Variants in CDC42BPA observed in about 807,000 individuals in gnomAD.
CDC42BPA encodes CDC42 binding protein kinase alpha.
Under a neutral mutation model 223.5 loss-of-function variants are expected in CDC42BPA, and 80 were observed. That is an observed-to-expected ratio of 0.36 (90% CI 0.30 to 0.43). The LOEUF is 0.43. Among genes scored for constraint, CDC42BPA ranks in the 20% least tolerant of loss-of-function variants. The pLI is 1.00. For synonymous variants in CDC42BPA, 694 were observed against 718.6 expected, an observed-to-expected ratio of 0.97 and a Z score of 0.55; for missense variants, 1,743 against 2,099.9, an observed-to-expected ratio of 0.83 and a Z score of 3.32.
chr1:226,994,869 C>A lies in CDC42BPA; in HGVS notation c.5087G>T (p.Gly1696Val). 1.2e-6 allele frequency: 2 copies of A among 1,614,004 alleles called. No homozygotes were observed. The highest frequency in any genetic ancestry group is 1.7e-6 in the Non-Finnish European group (2 of 1,179,942). The change falls in exon 36 of 37, where the codon GGC becomes GTC. Residue 1696 changes from glycine to valine, a missense_variant. Around this residue, in one of 6 missense-constraint regions of CDC42BPA, gnomAD observed 200 missense variants for 192.8 expected, o/e 1.04. Coordinates refer to ENST00000366766, the MANE Select transcript of CDC42BPA (RefSeq NM_001394014.1). This position sits in a 1 kb window ranked among gnomAD's most constrained non-coding sequence, Gnocchi z 4.0. ...TGGGGCATCACTTCCTTGGTCCATG[C>A]CTCCAGAGGACAAAGAGCCCTCTGA... The part of the protein sequence containing the change: ...SPSEGSLSSG[G>V]MDQGSDAPAR...
chr1:227,147,918 T>C (rs918998231), intron 6 of CDC42BPA, among the ~76,000 whole-genome samples: 1 of 149,986 alleles, frequency 6.7e-6, no homozygotes, highest in Non-Finnish European at 1.5e-5. Context: ...AATGAAACCG[T>C]CAAAATTGTA....
intron 22 of CDC42BPA, 47 bp from the exon 23 acceptor site, chr1:227,048,057 T>C (rs768170386): frequency 3.5e-6 from 4 of 1,136,096 alleles, no homozygotes; most frequent in Non-Finnish European, 3.9e-6. Context: ...AAACACTCCA[T>C]TAATTTCAAA....
At chr1:227,213,627 C>A (rs896136407) in intron 2 of CDC42BPA, among the ~76,000 whole-genome samples, 1 of 152,000 alleles carries the variant, frequency 6.6e-6, no homozygotes, top group Non-Finnish European at 1.5e-5. Context: ...AATTCCAACA[C>A]CATGTTACAA....
chr1:227,268,631 G>GTA (rs1160287813), intron 1 of CDC42BPA, among the ~76,000 whole-genome samples: 6 of 125,208 alleles, frequency 4.8e-5, no homozygotes, highest in South Asian at 5.1e-4. Context: ...TATATAGTAT[G>GTA]TGTATATATA....
intron 2 of CDC42BPA, among the ~76,000 whole-genome samples, chr1:227,248,923 T>G (rs1558865747): frequency 6.6e-6 from 1 of 152,042 alleles, no homozygotes; most frequent in Non-Finnish European, 1.5e-5. Flanking sequence ...TTCACAGAAA[T>G]AGAAAAAATA....
At chr1:227,297,418 G>A (rs1246297450) in intron 1 of CDC42BPA, among the ~76,000 whole-genome samples, 2 of 151,878 alleles carry the variant, frequency 1.3e-5, no homozygotes, top group African/African-American at 4.8e-5. Context: ...ATATGACCCA[G>A]AAATATCACT....
chr1:227,256,394 G>T (rs1276097703), intron 1 of CDC42BPA, among the ~76,000 whole-genome samples: 7 of 152,054 alleles, frequency 4.6e-5, no homozygotes, highest in Admixed American at 3.3e-4. Flanking sequence ...CAGATGACAG[G>T]TTGATAGGTG....
At chr1:227,217,046 A>T (rs1296568533) in intron 2 of CDC42BPA, among the ~76,000 whole-genome samples, 1 of 152,184 alleles carries the variant, frequency 6.6e-6, no homozygotes, top group Non-Finnish European at 1.5e-5. Context: ...TTTTATGTTC[A>T]TTCTTAAGTT....
In CDC42BPA at chr1:227,106,853, T is replaced by C. The variant is rs569030687; in HGVS notation, c.2001+5459A>G. Among the ~76,000 whole-genome samples, 9 of 152,334 alleles carry C rather than the reference T, an allele frequency of 5.9e-5. No individual in the cohort carries two copies. In the East Asian group the frequency reaches 1.5e-3, roughly 26 times the overall value. ...CCATTGAATGGACTTAGTACATTTG[T>C]CAAAAATTAATTGACCATAGATACA... On this transcript the variant is annotated intron_variant, in intron 14 of 36. Coordinates refer to ENST00000366766, the MANE Select transcript of CDC42BPA (RefSeq NM_001394014.1).
chr1:227,128,315 C>T (rs1206856450), intron 11 of CDC42BPA, among the ~76,000 whole-genome samples: 1 of 152,168 alleles, frequency 6.6e-6, no homozygotes, highest in South Asian at 2.1e-4. Context: ...GTCAGGCCTA[C>T]CCCTGGAGCA....
chr1:227,304,622 G>T (rs558853534), intron 1 of CDC42BPA, among the ~76,000 whole-genome samples: 24 of 152,250 alleles, frequency 1.6e-4, no homozygotes, highest in African/African-American at 4.6e-4. Context: ...CAAGTATAAC[G>T]GCATAATTCA....
intron 32 of CDC42BPA, among the ~76,000 whole-genome samples, chr1:227,021,171 C>G (rs1667301411): frequency 6.6e-6 from 1 of 152,030 alleles, no homozygotes. Context: ...TGAAATATTG[C>G]AAGAATTACC....
At chr1:227,150,043 G>T (rs558378431) in intron 6 of CDC42BPA, among the ~76,000 whole-genome samples, 1 of 152,020 alleles carries the variant, frequency 6.6e-6, no homozygotes, top group East Asian at 1.9e-4. Flanking sequence ...GGGCAACATC[G>T]TGAAACCACA....
chr1:227,237,281 A>G (rs1679222604), intron 2 of CDC42BPA, among the ~76,000 whole-genome samples: 1 of 152,128 alleles, frequency 6.6e-6, no homozygotes, highest in Non-Finnish European at 1.5e-5. Context: ...AAAATGAGTA[A>G]TACATTTACA....
rs1231193461 is a variant in CDC42BPA at position 227,141,837 on chromosome 1, C to G, written c.1223+1108G>C. On this transcript the variant is annotated intron_variant, in intron 9 of 36. Transcript: ENST00000366766. ...TTTAAAAATTAGCTGGGCATGGTGGCTTGTGCCTATTGTCCCAGCTACTCA... is the reference window on the plus strand; with the variant it reads ...TTTAAAAATTAGCTGGGCATGGTGGGTTGTGCCTATTGTCCCAGCTACTCA... Among the ~76,000 whole-genome samples, 7 of 152,164 alleles carry G rather than the reference C, an allele frequency of 4.6e-5. No homozygotes were observed. The East Asian group carries it at 1.3e-3, about 29-fold the overall frequency.
intron 4 of CDC42BPA, among the ~76,000 whole-genome samples, chr1:227,196,901 T>A (rs1288899621): frequency 1.3e-5 from 2 of 152,224 alleles, no homozygotes; most frequent in Non-Finnish European, 2.9e-5. Context: ...TCTAGTGTTA[T>A]GTAAGTGATA....
chr1:227,080,584 T>C (rs1381101613), intron 17 of CDC42BPA, among the ~76,000 whole-genome samples: 1 of 152,124 alleles, frequency 6.6e-6, no homozygotes, highest in Non-Finnish European at 1.5e-5. Context: ...CATCCATAGG[T>C]AGCAGATGAA....
At chr1:227,225,063 A>G (rs1408774745) in intron 2 of CDC42BPA, among the ~76,000 whole-genome samples, 18 of 152,208 alleles carry the variant, frequency 1.2e-4, no homozygotes, top group Admixed American at 1.2e-3. Context: ...TATCCACATA[A>G]TGGACTTCTT....
In CDC42BPA at chr1:226,993,745, ACTGTAGTAAAATATG is replaced by A. The variant is rs1661036776; in HGVS notation, c.*508_*522del. Reference sequence around the variant, plus strand: ...ATTTATGTATTCATTTAAACTCTGTACTGTAGTAAAATATGCATTGTTTTAATTCATAAGGATTTC... The same window carrying A: ...ATTTATGTATTCATTTAAACTCTGTACATTGTTTTAATTCATAAGGATTTC... On this transcript the variant is annotated 3_prime_UTR_variant, in exon 37 of 37. Coordinates refer to ENST00000366766, the MANE Select transcript of CDC42BPA (RefSeq NM_001394014.1). 6.5e-6 allele frequency: 1 copy of A among 153,930 alleles called. No homozygotes were observed. 9.5% of individuals were successfully genotyped at this position (153,930 alleles called of 1,614,324 possible). A position where few individuals can be genotyped will look rare whatever the true frequency, so the allele number is the denominator to read the frequency against.
Sources: allele counts gnomAD v4.1 joint callset (sites outside exome capture counted in the v4.1 genomes callset), GRCh38; gene constraint gnomAD v4.1.1; regional missense constraint gnomAD v4.1.1; non-coding constraint Gnocchi (gnomAD v3.1); transcripts MANE v1.5; gene names NCBI Gene and HGNC (gene_info 2026-07-23, HGNC 2026-07-21).